OSBPL6: variants seen among roughly 807,000 people sequenced by gnomAD.
OSBPL6 encodes oxysterol binding protein like 6, also known as oxysterol-binding protein-related protein 6.
In OSBPL6, 49 loss-of-function variants were observed where a neutral mutation model predicts 125.8. That is an observed-to-expected ratio of 0.39 (90% CI 0.31 to 0.49). The LOEUF (loss-of-function observed/expected upper bound fraction) is 0.49, where lower values mean the gene tolerates loss of function less well. Among genes scored for constraint, OSBPL6 ranks in the 20% least tolerant of loss-of-function variants. The probability of loss-of-function intolerance (pLI) is 0.88; values close to 1 mark genes in which losing one functional copy is unlikely to be tolerated. For synonymous variants in OSBPL6, 394 were observed against 391.8 expected (o/e 1.01, Z -0.07); for missense variants, 986 against 1,135.4 (o/e 0.87, Z 1.89).
chr2:178,221,417 G>A (rs968049217), intron 1 of OSBPL6, among the ~76,000 whole-genome samples: 3 of 152,114 alleles, frequency 2.0e-5, no homozygotes, highest in African/African-American at 4.8e-5. Flanking sequence ...TCTTTAATAC[G>A]TGACTGGGTC....
chr2:178,196,905 A>C (rs1574450611), intron 1 of OSBPL6, among the ~76,000 whole-genome samples: 1 of 152,054 alleles, frequency 6.6e-6, no homozygotes. Flanking sequence ...TTTTTTCCTC[A>C]CTCAATATTA....
rs551959103 is a variant in OSBPL6, at chr2:178,238,700, A to G, written c.-351+44026A>G. ...GATGCTTAGTTAAGACAGAAAAGGC[A>G]TTAAGGTTGTGGATGGAAGACAATG... On this transcript the variant is annotated intron_variant, in intron 1 of 24. Coordinates refer to ENST00000190611, the MANE Select transcript of OSBPL6 (RefSeq NM_032523.4). 4.6e-5 allele frequency among the ~76,000 whole-genome samples: 7 copies of G among 152,320 alleles called. No individual in the cohort carries two copies. The South Asian group carries it at 1.2e-3, about 27-fold the overall frequency.
intron 1 of OSBPL6, among the ~76,000 whole-genome samples, chr2:178,256,875 G>A (rs909547908): frequency 1.3e-5 from 2 of 152,070 alleles, no homozygotes; most frequent in Non-Finnish European, 2.9e-5. Context: ...CCTGACTCCT[G>A]GGGATTAGAC....
At chr2:178,218,747 A>C (rs1306034691) in intron 1 of OSBPL6, among the ~76,000 whole-genome samples, 1 of 150,156 alleles carries the variant, frequency 6.7e-6, no homozygotes, top group African/African-American at 2.5e-5. Flanking sequence ...CTCCTGCCTC[A>C]GCCTCCCGAA....
chr2:178,263,549 A>T (rs1654796294), intron 1 of OSBPL6, among the ~76,000 whole-genome samples: 1 of 152,248 alleles, frequency 6.6e-6, no homozygotes, highest in African/African-American at 2.4e-5. Flanking sequence ...TCCTTGGTTT[A>T]TAAAGAGTTC....
intron 1 of OSBPL6, among the ~76,000 whole-genome samples, chr2:178,223,812 A>G (rs1232332090): frequency 6.6e-6 from 1 of 152,150 alleles, no homozygotes; most frequent in Non-Finnish European, 1.5e-5. Flanking sequence ...GAGTCTGACA[A>G]TTTTATGATT....
At chr2:178,360,148 TTTTG>T (rs1692205363) in intron 12 of OSBPL6, among the ~76,000 whole-genome samples, 1 of 152,086 alleles carries the variant, frequency 6.6e-6, no homozygotes, top group Admixed American at 6.6e-5. Context: ...TATGGAAACT[TTTTG>T]TTTCTTTTAA....
At chr2:178,318,940 C>A (rs1168856861) in intron 3 of OSBPL6, among the ~76,000 whole-genome samples, 2 of 152,198 alleles carry the variant, frequency 1.3e-5, no homozygotes, top group Non-Finnish European at 2.9e-5. Flanking sequence ...GTGTGCCAGC[C>A]TTTGGGCAGC....
chr2:178,379,207 G>A (rs1694175503), intron 15 of OSBPL6, among the ~76,000 whole-genome samples: 1 of 150,188 alleles, frequency 6.7e-6, no homozygotes, highest in Non-Finnish European at 1.5e-5. Context: ...AGAAAGGAAG[G>A]GAGGGAGGAA....
In OSBPL6 at chr2:178,384,080, C is replaced by T; in HGVS notation, c.1917C>T (p.Thr639=). The change falls in exon 18 of 25, where the codon ACC becomes ACT. Residue 639 remains threonine (T), a synonymous_variant. Transcript: ENST00000190611. ...AAFAVSGYCS[T]YFRAGSKPFN... is the part of the protein sequence containing the mutation. ...TTGCAGTTTCAGGATACTGCTCCACCTATTTCAGAGCAGGAAGTAAGCCAT... is the reference window on the plus strand; with the variant it reads ...TTGCAGTTTCAGGATACTGCTCCACTTATTTCAGAGCAGGAAGTAAGCCAT... The T allele has an allele frequency of 6.2e-7, 1 of 1,614,080 alleles. No homozygotes were observed. The highest frequency in any genetic ancestry group is 8.5e-7 in the Non-Finnish European group (1 of 1,179,948).
chr2:178,387,952 C>T (rs977592218), intron 20 of OSBPL6, among the ~76,000 whole-genome samples: 2 of 151,416 alleles, frequency 1.3e-5, no homozygotes, highest in Non-Finnish European at 2.9e-5. Context: ...TGCAGTGAGC[C>T]GAGATTGTGC....
At chr2:178,268,071 A>G (rs2092289395) in intron 1 of OSBPL6, among the ~76,000 whole-genome samples, 1 of 147,116 alleles carries the variant, frequency 6.8e-6, no homozygotes, top group East Asian at 2.1e-4. Context: ...GTGCTTTTAG[A>G]TTATTTAAAT....
intron 1 of OSBPL6, among the ~76,000 whole-genome samples, chr2:178,243,716 C>A (rs912173524): frequency 2.0e-5 from 3 of 152,164 alleles, no homozygotes; most frequent in Non-Finnish European, 4.4e-5. Context: ...TGCAATGGCT[C>A]AGTCTCGGCT....
intron 18 of OSBPL6, 144 bp from the exon 19 acceptor site, chr2:178,385,314 A>G: frequency 1.6e-6 from 1 of 610,430 alleles, no homozygotes; most frequent in South Asian, 2.2e-5. Context: ...TTTCCCCTCT[A>G]AATTGTATAA....
At chr2:178,214,524 G>A (rs778724760) in intron 1 of OSBPL6, among the ~76,000 whole-genome samples, 11 of 152,222 alleles carry the variant, frequency 7.2e-5, no homozygotes, top group African/African-American at 2.7e-4. Context: ...TGGGGCTGCT[G>A]TTCACAGGTG....
chr2:178,391,250 G>C, intron 22 of OSBPL6, 33 bp downstream of exon 22: 1 of 1,552,468 alleles, frequency 6.4e-7, no homozygotes, highest in Non-Finnish European at 8.7e-7. Context: ...GCCAACAGGA[G>C]GGCACTATGG....
intron 1 of OSBPL6, among the ~76,000 whole-genome samples, chr2:178,212,044 C>A (rs958224007): frequency 6.6e-6 from 1 of 152,144 alleles, no homozygotes; most frequent in African/African-American, 2.4e-5. Flanking sequence ...AAAATGTCAT[C>A]ATCAAATATT....
intron 12 of OSBPL6, among the ~76,000 whole-genome samples, chr2:178,351,679 G>A (rs1047095637): frequency 2.0e-5 from 3 of 152,166 alleles, no homozygotes; most frequent in Admixed American, 6.5e-5. Flanking sequence ...ACAAGATCAC[G>A]TGTTTTGCAT....
At chr2:178,308,630 C>T (rs776714044) in intron 3 of OSBPL6, among the ~76,000 whole-genome samples, 2 of 152,100 alleles carry the variant, frequency 1.3e-5, no homozygotes, top group Non-Finnish European at 2.9e-5. Flanking sequence ...TTGAGTGGTA[C>T]CACTGTGTCT....
Sources: gnomAD v4.1 joint callset for allele counts (sites outside exome capture counted in the v4.1 genomes callset) on GRCh38, gnomAD v4.1.1 for gene constraint, MANE v1.5 for transcripts, NCBI Gene and HGNC (gene_info 2026-07-23, HGNC 2026-07-21) for gene names.